Variants in HHIP observed in about 807,000 individuals in gnomAD.
The protein encoded by HHIP is hedgehog-interacting protein.
In HHIP, 12 loss-of-function variants were observed where a neutral mutation model predicts 74.0. The observed-to-expected ratio is 0.16, with a 90% CI of 0.10 to 0.26. HHIP has a LOEUF of 0.26. Among genes scored for constraint, HHIP ranks in the 10% least tolerant of loss-of-function variants. The pLI is 1.00. For missense variants in HHIP, 788 were observed against 845.0 expected (o/e 0.93, Z 0.84); for synonymous variants, 309 against 311.6 (o/e 0.99, Z 0.09).
At position 144,743,592 on chromosome 4, in the gene HHIP, T is replaced by C. The variant is rs1350041518; in HGVS notation, c.*5635T>C. The C allele has an allele frequency of 6.6e-6, 1 of 152,012 alleles. No homozygotes were observed. The highest frequency in any genetic ancestry group is 1.9e-4 in the East Asian group (1 of 5,190). 9.4% of individuals were successfully genotyped at this position (152,012 alleles called of 1,614,324 possible). A position where few individuals can be genotyped will look rare whatever the true frequency, so the allele number is the denominator to read the frequency against. On this transcript the variant is annotated 3_prime_UTR_variant, in exon 13 of 13. Coordinates refer to ENST00000296575, the MANE Select transcript of HHIP (RefSeq NM_022475.3). ...TCTTGGGGTTTTCTTTTTGCATATA[T>C]AGATTATGTATTACTTAAATCCAAA...
Position 144,738,113 on chromosome 4 carries a change from G to A in HHIP, c.*156G>A. 1 of 1,316,530 alleles carries A rather than the reference G, an allele frequency of 7.6e-7. No individual in the cohort carries two copies. The allele number at this position is 1,316,530 out of a possible 1,614,324, so 81.6% of individuals were successfully genotyped here. ...CCAGAAATGTGCAGATCCTCTGTGT[G>A]TATGTCAGCATGTTTGTTCACATAT... On this transcript the variant is annotated 3_prime_UTR_variant, in exon 13 of 13. Coordinates refer to ENST00000296575, the MANE Select transcript of HHIP (RefSeq NM_022475.3).
At chr4:144,716,536 C>T (rs188292835) in intron 10 of HHIP, among the ~76,000 whole-genome samples, 2 of 151,576 alleles carry the variant, frequency 1.3e-5, no homozygotes, top group African/African-American at 4.8e-5. Flanking sequence ...ATTTCACTGG[C>T]AAACAATGAT....
chr4:144,716,593 A>T (rs1406642615), intron 10 of HHIP, among the ~76,000 whole-genome samples: 1 of 152,154 alleles, frequency 6.6e-6, no homozygotes, highest in African/African-American at 2.4e-5. Context: ...CACGCCTGTA[A>T]TCCCAGCAAT....
chr4:144,695,413 T>C (rs1729786634), intron 4 of HHIP, among the ~76,000 whole-genome samples: 1 of 151,828 alleles, frequency 6.6e-6, no homozygotes, highest in African/African-American at 2.4e-5. Flanking sequence ...TTTGTTCTTA[T>C]AAATATGTGT....
chr4:144,649,410 G>A (rs1408316919), intron 1 of HHIP, among the ~76,000 whole-genome samples: 4 of 152,106 alleles, frequency 2.6e-5, no homozygotes, highest in East Asian at 3.9e-4. Context: ...TTTTTTTAAT[G>A]AACTAGAATT....
chr4:144,743,010 TTA>T lies in HHIP; in HGVS notation c.*5064_*5065del, dbSNP rs372422043. ...ATTATATATATATAATATATATATA[TTA>T]TATATATATAATATATATCTTATAT... On this transcript the variant is annotated 3_prime_UTR_variant, in exon 13 of 13. Coordinates refer to ENST00000296575, the MANE Select transcript of HHIP (RefSeq NM_022475.3). The T allele has an allele frequency of 0.024, 35 of 1,456 alleles. No individual in the cohort carries two copies. The South Asian group carries it at 0.27, about 11-fold the overall frequency. 0.1% of individuals were successfully genotyped at this position (1,456 alleles called of 1,614,324 possible).
At chr4:144,649,730 A>G (rs956211641) in intron 1 of HHIP, among the ~76,000 whole-genome samples, 2 of 152,152 alleles carry the variant, frequency 1.3e-5, no homozygotes, top group Admixed American at 6.5e-5. Flanking sequence ...CTGTCAAGGA[A>G]TGGGTGAAAA....
At chr4:144,732,660 T>G (rs1730992835) in intron 11 of HHIP, among the ~76,000 whole-genome samples, 1 of 152,214 alleles carries the variant, frequency 6.6e-6, no homozygotes, top group African/African-American at 2.4e-5. Flanking sequence ...CTAGTTGTTG[T>G]TTAACAAAGT....
chr4:144,735,455 CAG>C (rs1233869797), intron 12 of HHIP, among the ~76,000 whole-genome samples: 1 of 152,076 alleles, frequency 6.6e-6, no homozygotes, highest in Non-Finnish European at 1.5e-5. Context: ...TGCATCTGCT[CAG>C]AGAGAGCAAA....
Position 144,711,985 on chromosome 4 carries a change from T to C in HHIP, c.1337T>C (p.Ile446Thr). Residue 446 changes from isoleucine (I) to threonine (T), a missense_variant, in exon 8 of 13, where the codon ATC becomes ACC. Coordinates refer to ENST00000296575, the MANE Select transcript of HHIP (RefSeq NM_022475.3). ...AVDRHPTDININLTILCSDSN... is the reference protein window; with the variant it reads ...AVDRHPTDINTNLTILCSDSN... ...GATAGACATCCCACTGATATAAACA[T>C]CAATTTAACGATACTGTGTTCAGAC... The C allele has an allele frequency of 6.2e-7, 1 of 1,611,872 alleles. No individual in the cohort carries two copies. Among genetic ancestry groups the C allele is most frequent in the Non-Finnish European group, 8.5e-7 (1 of 1,178,320 alleles).
intron 4 of HHIP, among the ~76,000 whole-genome samples, chr4:144,683,124 C>T (rs1729391619): frequency 1.3e-5 from 2 of 152,138 alleles, no homozygotes; most frequent in Non-Finnish European, 2.9e-5. Context: ...ATTTTACGTT[C>T]TTGTCCAGTA....
chr4:144,698,463 G>GAGCA (rs1293499754), intron 4 of HHIP, among the ~76,000 whole-genome samples: 1 of 152,062 alleles, frequency 6.6e-6, no homozygotes. Flanking sequence ...TGCAGCCTAG[G>GAGCA]AGCAACGGGC....
chr4:144,717,763 C>G (rs1489034825), intron 10 of HHIP, among the ~76,000 whole-genome samples: 2 of 152,106 alleles, frequency 1.3e-5, no homozygotes, highest in Non-Finnish European at 2.9e-5. Context: ...CTCTCTCTCT[C>G]TCTCTCAATC....
intron 4 of HHIP, among the ~76,000 whole-genome samples, chr4:144,689,874 T>C (rs6824088): frequency 0.02 from 3,093 of 152,280 alleles, 106 homozygotes; most frequent in African/African-American, 0.07. Flanking sequence ...AATGGTGTGA[T>C]CTCAGCTCAC....
At position 144,739,563 on chromosome 4, in the gene HHIP, T is replaced by C. The variant is rs1392425043; in HGVS notation, c.*1606T>C. The C allele has an allele frequency of 6.6e-6, 1 of 152,248 alleles. No homozygotes were observed. The highest frequency in any genetic ancestry group is 1.5e-5 in the Non-Finnish European group (1 of 68,038). The allele number at this position is 152,248 out of a possible 1,614,324, so 9.4% of individuals were successfully genotyped here. A position where few individuals can be genotyped will look rare whatever the true frequency, so the allele number is the denominator to read the frequency against. On this transcript the variant is annotated 3_prime_UTR_variant, in exon 13 of 13. Coordinates refer to ENST00000296575, the MANE Select transcript of HHIP (RefSeq NM_022475.3). ...GCAATTAAAGCCCAGTAAGCATTTA[T>C]ATAGAAGCCACAATGTAGAAAGATT...
intron 1 of HHIP, chr4:144,650,747 T>C (rs936416551): frequency 1.3e-5 from 2 of 152,118 alleles, no homozygotes; most frequent in East Asian, 3.8e-4. Context: ...AATAATATTA[T>C]ACTTGATTTC....
intron 7 of HHIP, among the ~76,000 whole-genome samples, chr4:144,709,436 G>A (rs1010260938): frequency 1.3e-5 from 2 of 152,070 alleles, no homozygotes; most frequent in African/African-American, 4.8e-5. Context: ...AACCTTCCTG[G>A]GGGTCCTGAA....
intron 11 of HHIP, among the ~76,000 whole-genome samples, chr4:144,720,056 GTATCACA>G (rs1350146744): frequency 6.6e-6 from 1 of 152,162 alleles, no homozygotes; most frequent in African/African-American, 2.4e-5. Flanking sequence ...TCTCTGGGCA[GTATCACA>G]TATCACATAT....
intron 11 of HHIP, among the ~76,000 whole-genome samples, chr4:144,720,331 A>G (rs756217304): frequency 2.2e-4 from 34 of 152,150 alleles, no homozygotes; most frequent in African/African-American, 8.0e-4. Flanking sequence ...AGGTGTACGG[A>G]TTTCACTCAG....
Sources: allele counts gnomAD v4.1 joint callset (sites outside exome capture counted in the v4.1 genomes callset), GRCh38; gene constraint gnomAD v4.1.1; transcripts MANE v1.5; gene names NCBI Gene and HGNC (gene_info 2026-07-23, HGNC 2026-07-21).